Variants in SPP2 observed in about 807,000 individuals in gnomAD.
SPP2 encodes secreted phosphoprotein 2.
SPP2 carries 34 observed loss-of-function variants against 28.8 expected under a neutral mutation model. The ratio of observed to expected loss-of-function variants is 1.18; its 90% CI spans 0.90 to 1.57. The LOEUF (loss-of-function observed/expected upper bound fraction) is 1.57, where lower values mean the gene tolerates loss of function less well. Among genes scored for constraint, SPP2 ranks in the 40% most tolerant of loss-of-function variants. SPP2 has a pLI of 0.00. For synonymous variants in SPP2, 96 were observed against 89.4 expected, an observed-to-expected ratio of 1.07 and a Z score of -0.42; for missense variants, 269 against 263.9, an observed-to-expected ratio of 1.02 and a Z score of -0.13.
At position 234,066,711 on chromosome 2, in the gene SPP2, T is replaced by C. The variant is rs541292072; in HGVS notation, c.499+124T>C. 39 of 742,012 alleles carry C rather than the reference T, an allele frequency of 5.3e-5. No homozygotes were observed. The South Asian group carries it at 5.9e-4, about 11-fold the overall frequency. The allele number at this position is 742,012 out of a possible 1,614,324, so 46.0% of individuals were successfully genotyped here. ...TGTAATCTTGCAACAATTACAGCCATAGAAAATTAACATTTTGTTTTGCTT... is the reference window on the plus strand; with the variant it reads ...TGTAATCTTGCAACAATTACAGCCACAGAAAATTAACATTTTGTTTTGCTT... On this transcript the variant is annotated intron_variant, in intron 5 of 7. Transcript: ENST00000168148.
intron 7 of SPP2, among the ~76,000 whole-genome samples, chr2:234,076,207 C>T (rs1690890481): frequency 6.6e-6 from 1 of 152,026 alleles, no homozygotes; most frequent in Admixed American, 6.5e-5. Context: ...GCCCACTGTC[C>T]CCAGCCTTGA....
chr2:234,051,675 T>C (rs534474220), intron 2 of SPP2, among the ~76,000 whole-genome samples: 1 of 152,334 alleles, frequency 6.6e-6, no homozygotes, highest in South Asian at 2.1e-4. Context: ...CTTCTTCCTG[T>C]TCCCCAGGTA....
chr2:234,062,714 T>C (rs1191905120), intron 4 of SPP2, among the ~76,000 whole-genome samples: 2 of 152,124 alleles, frequency 1.3e-5, no homozygotes, highest in African/African-American at 4.8e-5. Context: ...TTGAAAGAAA[T>C]GGATTCTGGT....
intron 7 of SPP2, among the ~76,000 whole-genome samples, chr2:234,070,388 T>C (rs1462968236): frequency 1.3e-5 from 2 of 152,232 alleles, no homozygotes; most frequent in African/African-American, 2.4e-5. Flanking sequence ...TCTGGTTGCT[T>C]CCTCAACCTC....
intron 7 of SPP2, among the ~76,000 whole-genome samples, chr2:234,074,992 CA>C (rs1302469537): frequency 5.1e-5 from 2 of 39,304 alleles, no homozygotes; most frequent in Admixed American, 3.4e-4. Flanking sequence ...ACAAAAAGCA[CA>C]AAAATGCAAA....
At chr2:234,068,429 T>C (rs909024807) in intron 6 of SPP2, among the ~76,000 whole-genome samples, 2 of 152,232 alleles carry the variant, frequency 1.3e-5, no homozygotes, top group East Asian at 3.8e-4. Context: ...CCAGAAGAAC[T>C]GCGAAATCCA....
chr2:234,055,784 A>G (rs1181614182), intron 2 of SPP2, among the ~76,000 whole-genome samples: 1 of 152,112 alleles, frequency 6.6e-6, no homozygotes, highest in East Asian at 1.9e-4. Context: ...ACAATACTGT[A>G]ATACTGATTG....
At chr2:234,069,508 G>T (rs559171342) in intron 6 of SPP2, among the ~76,000 whole-genome samples, 3 of 152,108 alleles carry the variant, frequency 2.0e-5, no homozygotes, top group Admixed American at 6.5e-5. Flanking sequence ...AAAACACATT[G>T]GGCCTGGGGG....
intron 4 of SPP2, among the ~76,000 whole-genome samples, chr2:234,064,046 C>T (rs1693771156): frequency 6.6e-6 from 1 of 152,164 alleles, no homozygotes; most frequent in Non-Finnish European, 1.5e-5. Context: ...TCAGGGACAA[C>T]TCGACTTAGA....
chr2:234,066,179 G>C (rs1693814734), intron 4 of SPP2, among the ~76,000 whole-genome samples: 1 of 152,106 alleles, frequency 6.6e-6, no homozygotes, highest in South Asian at 2.1e-4. Context: ...ACATATTACA[G>C]TGACTTTATA....
intron 4 of SPP2, among the ~76,000 whole-genome samples, chr2:234,062,089 A>G (rs1025200827): frequency 5.9e-5 from 9 of 152,224 alleles, no homozygotes; most frequent in African/African-American, 2.2e-4. Flanking sequence ...TGTGGTTCAT[A>G]TGAGAAAAAA....
intron 4 of SPP2, among the ~76,000 whole-genome samples, chr2:234,063,315 T>C (rs1693756279): frequency 6.6e-6 from 1 of 151,646 alleles, no homozygotes; most frequent in Admixed American, 6.6e-5. Flanking sequence ...GAAAAACATA[T>C]AGAGAATGTA....
At chr2:234,061,874 C>T (rs1693726201) in intron 4 of SPP2, among the ~76,000 whole-genome samples, 2 of 152,212 alleles carry the variant, frequency 1.3e-5, no homozygotes, top group Admixed American at 1.3e-4. Context: ...CAGGTGACCT[C>T]TGAACTTGTC....
intron 4 of SPP2, among the ~76,000 whole-genome samples, chr2:234,062,176 A>G (rs1693731796): frequency 7.0e-6 from 1 of 143,824 alleles, no homozygotes; most frequent in South Asian, 2.6e-4. Flanking sequence ...GGTGCCCACT[A>G]AGCAGGAATT....
intron 6 of SPP2, among the ~76,000 whole-genome samples, chr2:234,067,722 A>G (rs1054015474): frequency 7.7e-6 from 1 of 129,590 alleles, no homozygotes; most frequent in African/African-American, 2.9e-5. Flanking sequence ...GCTTGCAGTG[A>G]GCCGAGATTG....
intron 7 of SPP2, among the ~76,000 whole-genome samples, chr2:234,075,225 C>T (rs921210180): frequency 6.6e-6 from 1 of 152,106 alleles, no homozygotes; most frequent in Non-Finnish European, 1.5e-5. Context: ...TGTTAGTGAG[C>T]AGTGAGTAGG....
chr2:234,061,226 A>G (rs534586734), intron 4 of SPP2, among the ~76,000 whole-genome samples: 1 of 152,304 alleles, frequency 6.6e-6, no homozygotes, highest in Non-Finnish European at 1.5e-5. Flanking sequence ...GTGTCCAATT[A>G]TTGGCTGCTT....
At chr2:234,074,117 T>C (rs989779403) in intron 7 of SPP2, among the ~76,000 whole-genome samples, 3 of 152,194 alleles carry the variant, frequency 2.0e-5, no homozygotes, top group Admixed American at 1.3e-4. Context: ...GGGATTGGAA[T>C]TGAACTCTTG....
chr2:234,063,809 C>T (rs1304414913), intron 4 of SPP2, among the ~76,000 whole-genome samples: 1 of 151,940 alleles, frequency 6.6e-6, no homozygotes, highest in African/African-American at 2.4e-5. Flanking sequence ...TGATTTGGAG[C>T]GGATAGGATG....
Sources: allele counts gnomAD v4.1 joint callset (sites outside exome capture counted in the v4.1 genomes callset), GRCh38; gene constraint gnomAD v4.1.1; transcripts MANE v1.5; gene names NCBI Gene and HGNC (gene_info 2026-07-23, HGNC 2026-07-21).